Variants in ANTXR2 observed in about 807,000 individuals in gnomAD.
The protein encoded by ANTXR2 is ANTXR cell adhesion molecule 2.
ANTXR2 carries 44 observed loss-of-function variants against 73.7 expected under a neutral mutation model. The observed-to-expected ratio is 0.60, with a 90% CI of 0.47 to 0.77. The LOEUF is 0.77. ANTXR2 is among the 30% of genes least tolerant of loss of function. The probability of loss-of-function intolerance (pLI) is 0.00; values close to 1 mark genes in which losing one functional copy is unlikely to be tolerated. For synonymous variants in ANTXR2, 217 were observed against 205.9 expected (o/e 1.05, Z -0.46); for missense variants, 604 against 592.5 (o/e 1.02, Z -0.20).
At chr4:80,036,349 A>T (rs1225852834) in intron 7 of ANTXR2, among the ~76,000 whole-genome samples, 1 of 152,186 alleles carries the variant, frequency 6.6e-6, no homozygotes, top group East Asian at 1.9e-4. Context: ...TCCTGCTGCC[A>T]TAAAATCTAT....
chr4:80,050,593 C>T (rs1733727608), intron 7 of ANTXR2, among the ~76,000 whole-genome samples: 1 of 151,624 alleles, frequency 6.6e-6, no homozygotes, highest in Admixed American at 6.6e-5. Flanking sequence ...AAATGGAAAT[C>T]ACTATTCCCA....
intron 1 of ANTXR2, 96 bp downstream of exon 1, chr4:80,072,313 C>T (rs949342701): frequency 5.8e-6 from 8 of 1,375,206 alleles, no homozygotes; most frequent in African/African-American, 3.0e-5. Context: ...GTTTCCAACA[C>T]CACTCCCCGG....
In ANTXR2 at chr4:79,904,398, T is replaced by C. The variant is rs1726828187; in HGVS notation, c.*3031A>G. 1 of 152,086 alleles carries C rather than the reference T, an allele frequency of 6.6e-6. No individual in the cohort carries two copies. The highest frequency in any genetic ancestry group is 1.5e-5 in the Non-Finnish European group (1 of 67,976). 9.4% of individuals were successfully genotyped at this position (152,086 alleles called of 1,614,324 possible). A position where few individuals can be genotyped will look rare whatever the true frequency, so the allele number is the denominator to read the frequency against. On this transcript the variant is annotated 3_prime_UTR_variant, in exon 17 of 17. Coordinates refer to ENST00000403729, the MANE Select transcript of ANTXR2 (RefSeq NM_058172.6). The stretch of plus-strand genomic sequence containing the variant: ...ATGACAGATGCTGCTCCCTAGTCAA[T>C]GGAGGGTCTCAAATTTTACTCTGCA...
intron 8 of ANTXR2, 95 bp downstream of exon 8, chr4:80,035,877 G>T: frequency 9.7e-7 from 1 of 1,031,922 alleles, no homozygotes; most frequent in South Asian, 1.6e-5. Context: ...AGTTAATTTT[G>T]CTATTCTTTT....
At chr4:79,972,920 T>TAAAAAAAAAAAAAAAAAGAAAAAAAA (rs1553929136) in intron 16 of ANTXR2, among the ~76,000 whole-genome samples, 1 of 53,180 alleles carries the variant, frequency 1.9e-5, no homozygotes, top group Non-Finnish European at 3.4e-5. Context: ...TAGAGTATAA[T>TAAAAAAAAAAAAAAAAAGAAAAAAAA]AAAAAAAAAA....
Position 79,903,887 on chromosome 4 carries a change from G to A in ANTXR2, c.*3542C>T, listed in dbSNP as rs998823440. On this transcript the variant is annotated 3_prime_UTR_variant, in exon 17 of 17. Transcript: ENST00000403729. ...ATATACCCACCAAACTTTTCCAGTA[G>A]TAATGAAACTCTCAAAAACTTTCTA... is the stretch of plus-strand genomic sequence containing the variant. The A allele has an allele frequency of 1.3e-5, 2 of 152,070 alleles. No homozygotes were observed. The highest frequency in any genetic ancestry group is 4.8e-5 in the African/African-American group (2 of 41,394). 9.4% of individuals were successfully genotyped at this position (152,070 alleles called of 1,614,324 possible).
At chr4:79,971,855 G>T (rs1377296720) in intron 16 of ANTXR2, among the ~76,000 whole-genome samples, 5 of 19,960 alleles carry the variant, frequency 2.5e-4, no homozygotes, top group Non-Finnish European at 4.3e-4. Context: ...GGACATAGGC[G>T]TGGGCAAGGA....
intron 3 of ANTXR2, among the ~76,000 whole-genome samples, chr4:80,062,291 C>T (rs532949316): frequency 6.6e-6 from 1 of 152,242 alleles, no homozygotes; most frequent in Admixed American, 6.5e-5. Flanking sequence ...AAATGTGGTA[C>T]TCAATTCACA....
intron 16 of ANTXR2, among the ~76,000 whole-genome samples, chr4:79,966,127 GACACACAC>G (rs10549471): frequency 1.3e-5 from 2 of 149,394 alleles, no homozygotes; most frequent in African/African-American, 5.0e-5. Flanking sequence ...CTAGGACTTA[GACACACAC>G]ACACACACAC....
intron 10 of ANTXR2, among the ~76,000 whole-genome samples, chr4:80,028,400 C>A (rs529821133): frequency 6.6e-6 from 1 of 152,246 alleles, no homozygotes; most frequent in African/African-American, 2.4e-5. Context: ...AATCCACAGG[C>A]CTTAAGTTTT....
intron 6 of ANTXR2, 101 bp downstream of exon 6, chr4:80,055,049 T>C (rs2110107868): frequency 1.9e-6 from 2 of 1,069,162 alleles, no homozygotes; most frequent in South Asian, 1.5e-5. Context: ...TCTTTAACAA[T>C]CGACCAGTGT....
At chr4:79,911,756 T>C (rs951472447) in intron 16 of ANTXR2, among the ~76,000 whole-genome samples, 6 of 151,978 alleles carry the variant, frequency 3.9e-5, no homozygotes, top group African/African-American at 1.2e-4. Flanking sequence ...AAATATTTTC[T>C]TTATTTTCTG....
chr4:80,020,045 G>T (rs1044735334), intron 10 of ANTXR2, among the ~76,000 whole-genome samples: 3 of 152,058 alleles, frequency 2.0e-5, no homozygotes. Flanking sequence ...AGTTTACAAA[G>T]GATATTATCA....
At chr4:79,990,971 A>G (rs1730440591) in intron 12 of ANTXR2, among the ~76,000 whole-genome samples, 1 of 152,144 alleles carries the variant, frequency 6.6e-6, no homozygotes, top group African/African-American at 2.4e-5. Flanking sequence ...AAAATGAATT[A>G]AATTCTTAAA....
At chr4:79,955,070 T>C (rs897585804) in intron 16 of ANTXR2, among the ~76,000 whole-genome samples, 2 of 152,190 alleles carry the variant, frequency 1.3e-5, no homozygotes, top group East Asian at 3.8e-4. Flanking sequence ...TATTTTACAG[T>C]TGTGACACAA....
At chr4:79,937,236 C>G (rs998056437) in intron 16 of ANTXR2, among the ~76,000 whole-genome samples, 1 of 151,792 alleles carries the variant, frequency 6.6e-6, no homozygotes, top group African/African-American at 2.4e-5. Flanking sequence ...ATAGGAAAAC[C>G]TCAAAAGATT....
At chr4:79,953,801 G>T (rs1303073593) in intron 16 of ANTXR2, among the ~76,000 whole-genome samples, 1 of 151,484 alleles carries the variant, frequency 6.6e-6, no homozygotes, top group Non-Finnish European at 1.5e-5. Context: ...ATTTTCTGAC[G>T]CCAATATTTA....
At chr4:79,985,202 T>G (rs1336355542) in intron 12 of ANTXR2, among the ~76,000 whole-genome samples, 1 of 151,580 alleles carries the variant, frequency 6.6e-6, no homozygotes, top group African/African-American at 2.4e-5. Context: ...CAAAAAAAAT[T>G]AGCCGGGCGT....
At chr4:80,068,484 T>A (rs1179833435) in intron 3 of ANTXR2, among the ~76,000 whole-genome samples, 1 of 151,984 alleles carries the variant, frequency 6.6e-6, no homozygotes, top group South Asian at 2.1e-4. Context: ...AACATGTCAG[T>A]GAGGTGGGGT....
Sources: gnomAD v4.1 joint callset for allele counts (sites outside exome capture counted in the v4.1 genomes callset) on GRCh38, gnomAD v4.1.1 for gene constraint, MANE v1.5 for transcripts, NCBI Gene and HGNC (gene_info 2026-07-23, HGNC 2026-07-21) for gene names.